Variants in AGBL4 observed in about 807,000 individuals in gnomAD.
AGBL4 encodes cytosolic carboxypeptidase 6.
In AGBL4, 58 loss-of-function variants were observed where a neutral mutation model predicts 66.4. That is an observed-to-expected ratio of 0.87 (90% CI 0.71 to 1.09). AGBL4 has a LOEUF of 1.09. Among genes scored for constraint, AGBL4 ranks in the 50% least tolerant of loss-of-function variants. AGBL4 has a pLI of 0.00. For synonymous variants in AGBL4, 234 were observed against 222.9 expected (o/e 1.05, Z -0.44); for missense variants, 579 against 631.0 (o/e 0.92, Z 0.88).
At chr1:48,733,221 T>C (rs1648439736) in intron 6 of AGBL4, among the ~76,000 whole-genome samples, 1 of 152,028 alleles carries the variant, frequency 6.6e-6, no homozygotes, top group African/African-American at 2.4e-5. Flanking sequence ...ATCAAATATA[T>C]TTACATGATG....
chr1:49,417,744 T>C (rs1174290198), intron 3 of AGBL4, among the ~76,000 whole-genome samples: 1 of 152,156 alleles, frequency 6.6e-6, no homozygotes, highest in Non-Finnish European at 1.5e-5. Flanking sequence ...TACATTGCTT[T>C]TTATGAGTCT....
chr1:48,854,356 T>C (rs1647098779), intron 6 of AGBL4, among the ~76,000 whole-genome samples: 1 of 152,220 alleles, frequency 6.6e-6, no homozygotes, highest in South Asian at 2.1e-4. Context: ...CCTTGGTCAC[T>C]GGTATGGGTC....
At chr1:48,677,882 A>G (rs1646392059) in intron 6 of AGBL4, among the ~76,000 whole-genome samples, 1 of 152,172 alleles carries the variant, frequency 6.6e-6, no homozygotes, top group African/African-American at 2.4e-5. Context: ...ATACCTCCGG[A>G]TTTCTGGAAA....
intron 1 of AGBL4, among the ~76,000 whole-genome samples, chr1:49,879,714 C>T (rs369618612): frequency 8.6e-6 from 1 of 116,464 alleles, no homozygotes; most frequent in Non-Finnish European, 1.7e-5. Flanking sequence ...GCCTGCCTTG[C>T]TAGATTGGGG....
intron 6 of AGBL4, among the ~76,000 whole-genome samples, chr1:48,680,306 G>A (rs1235580950): frequency 6.6e-6 from 1 of 152,210 alleles, no homozygotes; most frequent in Non-Finnish European, 1.5e-5. Flanking sequence ...GCTGCAAGGG[G>A]ATCAGTAAGA....
At chr1:49,148,537 T>C (rs557622571) in intron 4 of AGBL4, among the ~76,000 whole-genome samples, 1 of 152,268 alleles carries the variant, frequency 6.6e-6, no homozygotes, top group Admixed American at 6.5e-5. Flanking sequence ...GTGGGGACCC[T>C]CCCAGACTTT....
At chr1:48,701,013 T>TGCAGC (rs1290330367) in intron 6 of AGBL4, among the ~76,000 whole-genome samples, 1 of 152,164 alleles carries the variant, frequency 6.6e-6, no homozygotes, top group East Asian at 1.9e-4. Flanking sequence ...TTGGCTGAAG[T>TGCAGC]GCAGCGTGAA....
intron 7 of AGBL4, among the ~76,000 whole-genome samples, chr1:48,658,862 TGTG>T (rs1646062129): frequency 2.6e-5 from 4 of 152,022 alleles, no homozygotes; most frequent in Admixed American, 6.6e-5. Flanking sequence ...TGTGTGTGTG[TGTG>T]TGTGTGTATC....
chr1:49,635,028 T>C (rs1029943225), intron 3 of AGBL4, among the ~76,000 whole-genome samples: 3 of 152,190 alleles, frequency 2.0e-5, no homozygotes, highest in African/African-American at 7.2e-5. Context: ...TATCTTATGA[T>C]TCTGGATTCA....
At chr1:48,680,956 C>G (rs1646446016) in intron 6 of AGBL4, among the ~76,000 whole-genome samples, 1 of 152,152 alleles carries the variant, frequency 6.6e-6, no homozygotes, top group South Asian at 2.1e-4. Flanking sequence ...GAGTGAGAGT[C>G]ACCTGGTGTA....
At chr1:49,791,062 GAAGTGTGAAGTATGAAGTATC>G (rs1644586891) in intron 2 of AGBL4, among the ~76,000 whole-genome samples, 1 of 152,094 alleles carries the variant, frequency 6.6e-6, no homozygotes, top group African/African-American at 2.4e-5. Flanking sequence ...TATGAAATGG[GAAGTGTGAAGTATGAAGTATC>G]AAGTGTGAAA....
intron 1 of AGBL4, among the ~76,000 whole-genome samples, chr1:49,857,230 G>A (rs973890135): frequency 7.2e-5 from 11 of 151,762 alleles, no homozygotes; most frequent in African/African-American, 9.7e-5. Flanking sequence ...AATAAAACAC[G>A]AACAAATAAA....
intron 3 of AGBL4, among the ~76,000 whole-genome samples, chr1:49,523,827 T>C (rs1218851161): frequency 1.3e-5 from 2 of 152,068 alleles, no homozygotes; most frequent in African/African-American, 2.4e-5. Context: ...TAAACTCACA[T>C]ATAAGTTCTA....
chr1:49,224,859 C>A (rs1649785607), intron 4 of AGBL4, among the ~76,000 whole-genome samples: 1 of 152,130 alleles, frequency 6.6e-6, no homozygotes, highest in Non-Finnish European at 1.5e-5. Context: ...GATAAGTTGA[C>A]AGTAAATTGT....
chr1:49,460,076 A>G (rs537072012), intron 3 of AGBL4, among the ~76,000 whole-genome samples: 6 of 151,764 alleles, frequency 4.0e-5, no homozygotes, highest in African/African-American at 1.4e-4. Flanking sequence ...TGATTAATAG[A>G]ATGTGTATTC....
chr1:49,877,233 T>C (rs1446298375), intron 1 of AGBL4, among the ~76,000 whole-genome samples: 1 of 151,114 alleles, frequency 6.6e-6, no homozygotes, highest in Non-Finnish European at 1.5e-5. Flanking sequence ...CCCTGTCTTG[T>C]GCCGGTTTTC....
intron 1 of AGBL4, among the ~76,000 whole-genome samples, chr1:49,877,737 C>T (rs1376005514): frequency 5.3e-5 from 8 of 151,198 alleles, no homozygotes; most frequent in Non-Finnish European, 8.9e-5. Flanking sequence ...AGGAATGGTA[C>T]CAGTTCCTCC....
Position 48,763,090 on chromosome 1 carries a change from G to C in AGBL4, c.635-99849C>G, listed in dbSNP as rs1052520929. Among the ~76,000 whole-genome samples, 16 of 113,412 alleles carry C rather than the reference G, an allele frequency of 1.4e-4. No individual in the cohort carries two copies. In the Admixed American group the frequency reaches 1.4e-3, roughly 10 times the overall value. The allele number at this position is 113,412 out of a possible 152,430, so 74.4% of individuals were successfully genotyped here. ...TTCTCTTAAGCATAAAGTGAATAGA[G>C]ATTTAATTAAAACAACAACAACAAC... On this transcript the variant is annotated intron_variant, in intron 6 of 13. Coordinates refer to ENST00000371839, the MANE Select transcript of AGBL4 (RefSeq NM_032785.4).
chr1:49,835,588 C>T (rs903907684), intron 2 of AGBL4, among the ~76,000 whole-genome samples: 9 of 152,094 alleles, frequency 5.9e-5, no homozygotes, highest in African/African-American at 2.2e-4. Context: ...GCTAACATTG[C>T]TATGTGTGAG....
Sources: allele counts gnomAD v4.1 joint callset (sites outside exome capture counted in the v4.1 genomes callset), GRCh38; gene constraint gnomAD v4.1.1; transcripts MANE v1.5; gene names NCBI Gene and HGNC (gene_info 2026-07-23, HGNC 2026-07-21).